Variants in SMARCC1 observed in about 807,000 individuals in gnomAD.
The protein encoded by SMARCC1 is SWI/SNF related BAF chromatin remodeling complex subunit C1.
SMARCC1 carries 43 observed loss-of-function variants against 147.4 expected under a neutral mutation model. That is an observed-to-expected ratio of 0.29 (90% confidence interval 0.23 to 0.38). SMARCC1 has a LOEUF of 0.38. SMARCC1 is among the 10% of genes least tolerant of loss of function. The pLI is 1.00. For synonymous variants in SMARCC1, 495 were observed against 484.4 expected (o/e 1.02, Z -0.29); for missense variants, 1,119 against 1,381.1 (o/e 0.81, Z 3.01).
Position 47,587,945 on chromosome 3 carries a change from C to T in SMARCC1, c.*264G>A, listed in dbSNP as rs142475256. On this transcript the variant is annotated 3_prime_UTR_variant, in exon 28 of 28. Coordinates refer to ENST00000254480, the MANE Select transcript of SMARCC1 (RefSeq NM_003074.4). ...GAGAAACTGTCAGCTTACTCCCACA[C>T]CAGGACAGGGGAGATGCAGGTTATT... 3.2e-5 allele frequency: 15 copies of T among 462,976 alleles called. No homozygotes were observed. Among genetic ancestry groups the T allele is most frequent in the African/African-American group, 3.1e-4 (15 of 49,054 alleles). The allele number at this position is 462,976 out of a possible 1,614,324, so 28.7% of individuals were successfully genotyped here.
chr3:47,756,583 A>G (rs1334686787), intron 2 of SMARCC1, among the ~76,000 whole-genome samples: 2 of 151,824 alleles, frequency 1.3e-5, no homozygotes, highest in Non-Finnish European at 2.9e-5. Flanking sequence ...GAACACAAAA[A>G]GTATTAACAA....
chr3:47,747,849 T>A (rs2034584389), intron 2 of SMARCC1, among the ~76,000 whole-genome samples: 1 of 150,420 alleles, frequency 6.6e-6, no homozygotes, highest in South Asian at 2.1e-4. Flanking sequence ...GCCTTATAAA[T>A]TCTTGACTAT....
intron 8 of SMARCC1, among the ~76,000 whole-genome samples, chr3:47,713,048 C>T (rs1292152916): frequency 3.3e-5 from 5 of 152,174 alleles, no homozygotes; most frequent in Admixed American, 6.5e-5. Flanking sequence ...CTGGGCCAGG[C>T]GCAATGGCTC....
chr3:47,688,515 G>A (rs192053286), intron 13 of SMARCC1, among the ~76,000 whole-genome samples: 4 of 151,996 alleles, frequency 2.6e-5, no homozygotes, highest in African/African-American at 9.6e-5. Context: ...AGAAGATTGG[G>A]GGTTAATCAC....
intron 26 of SMARCC1, chr3:47,603,661 T>C (rs577465004): frequency 4.3e-6 from 1 of 230,162 alleles, no homozygotes; most frequent in Admixed American, 5.2e-5. Flanking sequence ...ATGGCAGTCT[T>C]ATAGGGAGAA....
chr3:47,614,111 G>T (rs2032604640), intron 25 of SMARCC1, among the ~76,000 whole-genome samples: 1 of 152,116 alleles, frequency 6.6e-6, no homozygotes, highest in African/African-American at 2.4e-5. Context: ...TCAATGCTTT[G>T]TATCAGTGAT....
At chr3:47,705,585 G>C (rs2033982730) in intron 10 of SMARCC1, among the ~76,000 whole-genome samples, 2 of 151,968 alleles carry the variant, frequency 1.3e-5, no homozygotes, top group South Asian at 2.1e-4. Context: ...GCATGTTCTG[G>C]GAACAGAAAT....
chr3:47,760,717 C>T (rs975028985), intron 2 of SMARCC1, among the ~76,000 whole-genome samples: 6 of 152,206 alleles, frequency 3.9e-5, no homozygotes, highest in African/African-American at 9.6e-5. Flanking sequence ...ATCAGCTGTG[C>T]GTGGTAGCTC....
chr3:47,679,322 T>C (rs2033611420), intron 15 of SMARCC1, among the ~76,000 whole-genome samples: 1 of 151,960 alleles, frequency 6.6e-6, no homozygotes, highest in African/African-American at 2.4e-5. Context: ...TCCAGAAGTA[T>C]ATACTGATGA....
At chr3:47,765,334 A>T (rs1420541142) in intron 2 of SMARCC1, among the ~76,000 whole-genome samples, 2 of 152,032 alleles carry the variant, frequency 1.3e-5, no homozygotes, top group Non-Finnish European at 2.9e-5. Flanking sequence ...TGGGGAAGGA[A>T]CACATACGTT....
intron 2 of SMARCC1, among the ~76,000 whole-genome samples, chr3:47,770,350 G>A (rs754911178): frequency 2.6e-5 from 4 of 152,110 alleles, no homozygotes; most frequent in Non-Finnish European, 5.9e-5. Context: ...ACCAGGCACA[G>A]TGGCTCACAC....
intron 21 of SMARCC1, among the ~76,000 whole-genome samples, chr3:47,648,157 G>A (rs2033142399): frequency 1.3e-5 from 2 of 151,968 alleles, no homozygotes; most frequent in Admixed American, 1.3e-4. Flanking sequence ...ACCACACCCA[G>A]CTAATTTTTG....
At chr3:47,598,806 C>G (rs1046518567) in intron 26 of SMARCC1, among the ~76,000 whole-genome samples, 2 of 131,280 alleles carry the variant, frequency 1.5e-5, no homozygotes, top group African/African-American at 3.0e-5. Flanking sequence ...CCAGCCTGGG[C>G]TACAGAGGGA....
intron 21 of SMARCC1, among the ~76,000 whole-genome samples, chr3:47,645,464 G>C (rs2033106839): frequency 6.6e-6 from 1 of 152,184 alleles, no homozygotes; most frequent in African/African-American, 2.4e-5. Context: ...AGGATGGCTT[G>C]GGCCTAAGAG....
At chr3:47,731,325 A>C (rs891601173) in intron 5 of SMARCC1, among the ~76,000 whole-genome samples, 2 of 152,178 alleles carry the variant, frequency 1.3e-5, no homozygotes, top group African/African-American at 4.8e-5. Context: ...TTCAAATTCT[A>C]GTTCTCTTAT....
At chr3:47,779,096 A>G (rs1431430341) in intron 1 of SMARCC1, among the ~76,000 whole-genome samples, 1 of 151,836 alleles carries the variant, frequency 6.6e-6, no homozygotes, top group African/African-American at 2.4e-5. Context: ...AGTGAGTTAT[A>G]CTTTAAGTAC....
rs749637109 is a variant in SMARCC1, at chr3:47,693,319, G to A, written c.1166-19C>T. The A allele has an allele frequency of 1.3e-5, 19 of 1,429,550 alleles. No homozygotes were observed. In the South Asian group the frequency reaches 2.2e-4, roughly 17 times the overall value. 88.6% of individuals were successfully genotyped at this position (1,429,550 alleles called of 1,614,324 possible). A position where few individuals can be genotyped will look rare whatever the true frequency, so the allele number is the denominator to read the frequency against. On this transcript the variant is annotated intron_variant, in intron 11 of 27. Coordinates refer to ENST00000254480, the MANE Select transcript of SMARCC1 (RefSeq NM_003074.4). The stretch of plus-strand genomic sequence containing the variant: ...AGGTTCACTAGAAAAAGAAAAAAAA[G>A]AGTTATGTTTATGTGGGAAAAGTTG...
At chr3:47,590,349 T>C (rs761005925) in intron 27 of SMARCC1, among the ~76,000 whole-genome samples, 18 of 152,264 alleles carry the variant, frequency 1.2e-4, no homozygotes, top group Non-Finnish European at 2.4e-4. Flanking sequence ...CCAGTAGCTC[T>C]ACATGTCTGT....
chr3:47,736,867 A>G (rs2034450320), intron 4 of SMARCC1, among the ~76,000 whole-genome samples: 1 of 152,126 alleles, frequency 6.6e-6, no homozygotes, highest in South Asian at 2.1e-4. Flanking sequence ...AATAATATCT[A>G]ACTGAATTTT....
Sources: allele counts gnomAD v4.1 joint callset (sites outside exome capture counted in the v4.1 genomes callset), GRCh38; gene constraint gnomAD v4.1.1; transcripts MANE v1.5; gene names NCBI Gene and HGNC (gene_info 2026-07-23, HGNC 2026-07-21).